MSH3: variants seen among roughly 807,000 people sequenced by gnomAD.
MSH3 encodes the protein mutS homolog 3, also known as DNA mismatch repair protein Msh3.
In MSH3, 106 loss-of-function variants were observed where a neutral mutation model predicts 123.3. That is an observed-to-expected ratio of 0.86 (90% CI 0.73 to 1.01). MSH3 has a LOEUF of 1.01. Among genes scored for constraint, MSH3 ranks in the 50% least tolerant of loss-of-function variants. The probability of loss-of-function intolerance (pLI) is 0.00; values close to 1 mark genes in which losing one functional copy is unlikely to be tolerated. For synonymous variants in MSH3, 515 were observed against 481.4 expected, an observed-to-expected ratio of 1.07 and a Z score of -0.91; for missense variants, 1,459 against 1,347.6, an observed-to-expected ratio of 1.08 and a Z score of -1.29.
chr5:80,681,524 A>C (rs1749966845), intron 8 of MSH3, among the ~76,000 whole-genome samples: 2 of 151,962 alleles, frequency 1.3e-5, no homozygotes, highest in Non-Finnish European at 2.9e-5. Flanking sequence ...AATACTGAAA[A>C]AATGAATATA....
intron 8 of MSH3, among the ~76,000 whole-genome samples, chr5:80,696,595 G>A (rs1481876280): frequency 1.3e-5 from 2 of 152,110 alleles, no homozygotes; most frequent in African/African-American, 2.4e-5. Flanking sequence ...CACATCCCAA[G>A]TTCACTAGCT....
chr5:80,845,943 T>C (rs533772545), intron 20 of MSH3, among the ~76,000 whole-genome samples: 278 of 152,296 alleles, frequency 1.8e-3, no homozygotes, highest in African/African-American at 6.5e-3. Context: ...TTTTGTTCCA[T>C]TGCTGCTGAG....
At chr5:80,769,247 T>C (rs1744176032) in intron 15 of MSH3, among the ~76,000 whole-genome samples, 1 of 152,090 alleles carries the variant, frequency 6.6e-6, no homozygotes, top group African/African-American at 2.4e-5. Flanking sequence ...CTGTTGAAAT[T>C]ATATTATAGA....
intron 13 of MSH3, among the ~76,000 whole-genome samples, chr5:80,763,325 C>G (rs994371027): frequency 2.0e-5 from 3 of 152,196 alleles, no homozygotes; most frequent in Non-Finnish European, 4.4e-5. Flanking sequence ...AAACAATGCA[C>G]AAGCCAGAAC....
At chr5:80,790,165 G>A (rs1443517347) in intron 18 of MSH3, among the ~76,000 whole-genome samples, 1 of 152,174 alleles carries the variant, frequency 6.6e-6, no homozygotes, top group Non-Finnish European at 1.5e-5. Flanking sequence ...TACACGTGGA[G>A]ATGTGTATAG....
chr5:80,714,790 GT>G (rs1483388292), intron 8 of MSH3, among the ~76,000 whole-genome samples: 2 of 152,168 alleles, frequency 1.3e-5, no homozygotes, highest in Non-Finnish European at 2.9e-5. Context: ...CTCATGTAAG[GT>G]CATTCGTTTT....
chr5:80,681,749 G>A (rs1264011436), intron 8 of MSH3, among the ~76,000 whole-genome samples: 1 of 151,630 alleles, frequency 6.6e-6, no homozygotes, highest in Non-Finnish European at 1.5e-5. Flanking sequence ...AATAACAATG[G>A]CGAAATTCAA....
chr5:80,768,239 A>AT, intron 14 of MSH3, 119 bp downstream of exon 14: 4 of 943,812 alleles, frequency 4.2e-6, no homozygotes, highest in Non-Finnish European at 6.7e-6. Context: ...ATGAGTACAT[A>AT]TATAATTAGA....
intron 2 of MSH3, among the ~76,000 whole-genome samples, chr5:80,657,495 T>G (rs974097880): frequency 6.6e-6 from 1 of 152,126 alleles, no homozygotes; most frequent in African/African-American, 2.4e-5. Flanking sequence ...CCAGCCTGCC[T>G]GAGTGCCTGA....
intron 8 of MSH3, among the ~76,000 whole-genome samples, chr5:80,702,713 T>TA (rs34322595): frequency 0.71 from 106,644 of 149,680 alleles, 37,866 homozygotes; most frequent in African/African-American, 0.77. Flanking sequence ...ATAATTTATT[T>TA]AAAAAAAAAA....
intron 3 of MSH3, among the ~76,000 whole-genome samples, chr5:80,666,890 A>G (rs1749586376): frequency 6.6e-6 from 1 of 152,252 alleles, no homozygotes. Context: ...AATTGTCCAG[A>G]CAAGGTTAAA....
At chr5:80,739,236 A>G (rs575767688) in intron 10 of MSH3, among the ~76,000 whole-genome samples, 1 of 152,360 alleles carries the variant, frequency 6.6e-6, no homozygotes, top group African/African-American at 2.4e-5. Flanking sequence ...GTAACTGGTT[A>G]GATACCAACT....
intron 3 of MSH3, 116 bp downstream of exon 3, chr5:80,665,479 A>T: frequency 1.3e-6 from 1 of 778,814 alleles, no homozygotes; most frequent in South Asian, 1.5e-5. Context: ...GGTCTTCTGA[A>T]TCATCTGAGG....
chr5:80,670,961 A>G (rs1749710743), intron 4 of MSH3, among the ~76,000 whole-genome samples: 2 of 151,990 alleles, frequency 1.3e-5, no homozygotes, highest in South Asian at 4.1e-4. Flanking sequence ...CTCTACTAAA[A>G]ATATTAAAAA....
rs1407528682 is a variant in MSH3 at position 80,693,456 on chromosome 5, TATAC to T, written c.1340+14366_1340+14369del. Reference sequence around the variant, plus strand: ...ACATGTATATGTTTATATAGATAAATATACATGCACATGTATATGTTTATATAAA... The same window carrying T: ...ACATGTATATGTTTATATAGATAAATATGCACATGTATATGTTTATATAAA... On this transcript the variant is annotated intron_variant, in intron 8 of 23. Transcript: ENST00000265081. 4.1e-3 allele frequency among the ~76,000 whole-genome samples: 419 copies of T among 101,074 alleles called. 31 individuals are homozygous for T. Among genetic ancestry groups the T allele is most frequent in the Middle Eastern group, 7.1e-3 (1 of 140 alleles). The allele number at this position is 101,074 out of a possible 152,430, so 66.3% of individuals were successfully genotyped here.
intron 20 of MSH3, among the ~76,000 whole-genome samples, chr5:80,825,181 C>T (rs759395706): frequency 1.1e-4 from 17 of 152,148 alleles, no homozygotes; most frequent in Non-Finnish European, 2.1e-4. Flanking sequence ...ACAATACAAT[C>T]GAACCTCTAA....
intron 19 of MSH3, among the ~76,000 whole-genome samples, chr5:80,812,515 C>A (rs1431232831): frequency 6.6e-6 from 1 of 151,640 alleles, no homozygotes; most frequent in East Asian, 1.9e-4. Context: ...CAGTTAACTC[C>A]CAAAAGATTA....
chr5:80,696,445 G>A (rs1750481615), intron 8 of MSH3, among the ~76,000 whole-genome samples: 1 of 152,116 alleles, frequency 6.6e-6, no homozygotes, highest in Admixed American at 6.5e-5. Context: ...GTCTTGCTAG[G>A]CTTCCTCTTC....
rs1179140273 is a variant in MSH3, at chr5:80,702,002, G to GA, written c.1340+22915dup. Among the ~76,000 whole-genome samples, 11 of 150,808 alleles carry GA rather than the reference G, an allele frequency of 7.3e-5. No individual in the cohort carries two copies. The East Asian group carries it at 1.9e-3, about 27-fold the overall frequency. On this transcript the variant is annotated intron_variant, in intron 8 of 23. Coordinates refer to ENST00000265081, the MANE Select transcript of MSH3 (RefSeq NM_002439.5). ...CCCTTCTTTTTCTACCCTTCTTTCT[G>GA]AAAAAACAACAGAAACAAAAAAAAC...
Sources: gnomAD v4.1 joint callset for allele counts (sites outside exome capture counted in the v4.1 genomes callset) on GRCh38, gnomAD v4.1.1 for gene constraint, MANE v1.5 for transcripts, NCBI Gene and HGNC (gene_info 2026-07-23, HGNC 2026-07-21) for gene names.